Variants in RPS6KA2 observed in about 807,000 individuals in gnomAD.
RPS6KA2 encodes ribosomal protein S6 kinase alpha-2.
Under a neutral mutation model 91.8 loss-of-function variants are expected in RPS6KA2, and 42 were observed. The observed-to-expected ratio is 0.46, with a 90% CI of 0.36 to 0.59. The LOEUF is 0.59. Ranked by LOEUF, RPS6KA2 falls within the 20% of genes least tolerant of loss-of-function variation. RPS6KA2 has a pLI of 0.00. For missense variants in RPS6KA2, 798 were observed against 978.5 expected (o/e 0.82, Z 2.46); for synonymous variants, 414 against 393.6 (o/e 1.05, Z -0.61).
chr6:166,497,381 G>C (rs562778775), intron 8 of RPS6KA2, among the ~76,000 whole-genome samples: 18 of 152,362 alleles, frequency 1.2e-4, no homozygotes, highest in African/African-American at 4.1e-4. Flanking sequence ...GGACGGAAGG[G>C]GCTTCCACAG....
chr6:166,521,316 A>C lies in RPS6KA2; in HGVS notation c.298+9916T>G, dbSNP rs563840977. Among the ~76,000 whole-genome samples the C allele has an allele frequency of 2.0e-5, 3 of 152,324 alleles. No homozygotes were observed. In the East Asian group the frequency reaches 5.8e-4, roughly 29 times the overall value. On this transcript the variant is annotated intron_variant, in intron 3 of 20. Transcript: ENST00000265678. Reference sequence around the variant, plus strand: ...CAAAGCTGTGGGGCCAGGGACTTGGAGAGCCAACCCCTGCCCTGCAAAGCT... The same window carrying C: ...CAAAGCTGTGGGGCCAGGGACTTGGCGAGCCAACCCCTGCCCTGCAAAGCT...
chr6:166,519,447 G>A (rs1263588736), intron 3 of RPS6KA2, among the ~76,000 whole-genome samples: 21 of 152,210 alleles, frequency 1.4e-4, no homozygotes, highest in Admixed American at 1.4e-3. Context: ...CTTCAAATTA[G>A]CCCTCTATTT....
chr6:166,826,543 T>A (rs1226783841), intron 2 of RPS6KA2, among the ~76,000 whole-genome samples: 1 of 152,214 alleles, frequency 6.6e-6, no homozygotes, highest in African/African-American at 2.4e-5. Context: ...ATTTGGCTCT[T>A]ACAAAAGATT....
chr6:166,756,202 A>G (rs1260143656), intron 2 of RPS6KA2, among the ~76,000 whole-genome samples: 4 of 152,046 alleles, frequency 2.6e-5, no homozygotes, highest in African/African-American at 9.7e-5. Context: ...AGGCAGGAGA[A>G]TGGCGTGAAC....
At chr6:166,617,611 T>A (rs1010227125) in intron 1 of RPS6KA2, among the ~76,000 whole-genome samples, 26 of 152,228 alleles carry the variant, frequency 1.7e-4, no homozygotes, top group Admixed American at 1.6e-3. Flanking sequence ...TGGCGTCAGG[T>A]AAGCACCACT....
At chr6:166,491,173 G>A (rs980944980) in intron 8 of RPS6KA2, among the ~76,000 whole-genome samples, 3 of 152,284 alleles carry the variant, frequency 2.0e-5, no homozygotes, top group Admixed American at 6.5e-5. Flanking sequence ...ATGCATGCCT[G>A]GATGGTGGGG....
At chr6:166,715,563 C>T (rs902701234) in intron 2 of RPS6KA2, among the ~76,000 whole-genome samples, 1 of 152,198 alleles carries the variant, frequency 6.6e-6, no homozygotes, top group Admixed American at 6.5e-5. Context: ...CACTTAACAA[C>T]GGGGATACGT....
chr6:166,713,486 T>A (rs529303059), intron 2 of RPS6KA2, among the ~76,000 whole-genome samples: 2 of 152,336 alleles, frequency 1.3e-5, no homozygotes, highest in African/African-American at 2.4e-5. Flanking sequence ...AGCTACTGAT[T>A]TTTTCTCTGT....
At chr6:166,664,343 T>G (rs13206691) in intron 2 of RPS6KA2, among the ~76,000 whole-genome samples, 6,053 of 152,348 alleles carry the variant, frequency 0.04, 184 homozygotes, top group Non-Finnish European at 0.061. Flanking sequence ...AGTAAACACT[T>G]TAAGTTTCCG....
intron 3 of RPS6KA2, among the ~76,000 whole-genome samples, chr6:166,517,879 C>G (rs909063293): frequency 1.3e-5 from 2 of 152,126 alleles, no homozygotes; most frequent in Non-Finnish European, 2.9e-5. Context: ...TTATTTGGGC[C>G]CATCCCTTTA....
At chr6:166,817,894 T>C (rs1779811622) in intron 2 of RPS6KA2, among the ~76,000 whole-genome samples, 1 of 151,948 alleles carries the variant, frequency 6.6e-6, no homozygotes, top group Non-Finnish European at 1.5e-5. Flanking sequence ...AGCTAGTTTT[T>C]TGTATTTTAG....
chr6:166,466,871 TTCAC>T (rs1256599279), intron 11 of RPS6KA2, among the ~76,000 whole-genome samples: 1 of 146,616 alleles, frequency 6.8e-6, no homozygotes, highest in South Asian at 2.2e-4. Flanking sequence ...CCCTTACTCA[TTCAC>T]TCACTCACTC....
At chr6:166,447,058 A>C (rs2281056) in intron 14 of RPS6KA2, among the ~76,000 whole-genome samples, 34,122 of 152,152 alleles carry the variant, frequency 0.22, 7,662 homozygotes, top group African/African-American at 0.58. Flanking sequence ...CGCCCATCTA[A>C]GTGCTCCTTT....
chr6:166,413,060 C>T (rs1035804702), intron 20 of RPS6KA2, among the ~76,000 whole-genome samples, 173 bp from the exon 21 acceptor site: 2 of 152,072 alleles, frequency 1.3e-5, no homozygotes, highest in African/African-American at 4.8e-5. Context: ...GGCCAGCACA[C>T]GTGGGCCCCA....
intron 2 of RPS6KA2, among the ~76,000 whole-genome samples, chr6:166,824,352 T>G (rs1779980559): frequency 1.3e-5 from 2 of 152,216 alleles, no homozygotes; most frequent in Non-Finnish European, 2.9e-5. Context: ...ACTCTCCAGA[T>G]AGCAGCCTGT....
intron 1 of RPS6KA2, among the ~76,000 whole-genome samples, chr6:166,542,777 G>A (rs969609702): frequency 4.6e-5 from 7 of 152,138 alleles, no homozygotes; most frequent in African/African-American, 1.7e-4. Context: ...GGCCAAAGTC[G>A]CCTTCTTAGG....
intron 1 of RPS6KA2, among the ~76,000 whole-genome samples, chr6:166,606,772 A>G (rs1183815878): frequency 6.6e-6 from 1 of 152,252 alleles, no homozygotes; most frequent in Non-Finnish European, 1.5e-5. Context: ...AATGCAAATC[A>G]AAACCATAAG....
chr6:166,844,021 AC>A (rs567812050), intron 2 of RPS6KA2, among the ~76,000 whole-genome samples: 19 of 152,064 alleles, frequency 1.2e-4, no homozygotes, highest in African/African-American at 2.2e-4. Flanking sequence ...ATAAAAAAAA[AC>A]ATGTTATACA....
At chr6:166,714,321 G>A (rs1789951043) in intron 2 of RPS6KA2, among the ~76,000 whole-genome samples, 1 of 152,192 alleles carries the variant, frequency 6.6e-6, no homozygotes, top group South Asian at 2.1e-4. Context: ...GCTGAGCCCT[G>A]GTGCTCTTGT....
Sources: gnomAD v4.1 joint callset for allele counts (sites outside exome capture counted in the v4.1 genomes callset) on GRCh38, gnomAD v4.1.1 for gene constraint, MANE v1.5 for transcripts, NCBI Gene and HGNC (gene_info 2026-07-23, HGNC 2026-07-21) for gene names.